CIROP: variants seen among roughly 807,000 people sequenced by gnomAD.
CIROP encodes the protein ciliated left-right organizer metallopeptidase, also known as leishmanolysin homolog.
the CIROP span, chr14:23,102,289 G>C: frequency 2.8e-6 from 2 of 702,658 alleles, no homozygotes; most frequent in Middle Eastern, 4.6e-4. Flanking sequence ...GCAGATGGCT[G>C]GTTGTTAGCT....
At chr14:23,104,215 G>C in the CIROP span, 2 of 618,630 alleles carry the variant, frequency 3.2e-6, no homozygotes, top group South Asian at 3.7e-5. Flanking sequence ...ATTTTTTCAA[G>C]ATTTCAGTGT....
At chr14:23,104,236 A>G in the CIROP span, 9 of 652,500 alleles carry the variant, frequency 1.4e-5, no homozygotes, top group African/African-American at 1.3e-4. Context: ...TGTTGACTCA[A>G]TCTCACCTTT....
the CIROP span, chr14:23,103,618 C>A: frequency 1.5e-6 from 1 of 680,396 alleles, no homozygotes; most frequent in East Asian, 2.7e-5. Context: ...TAACCCTCCT[C>A]ATGAGATTTA....
the CIROP span, chr14:23,102,230 G>A: frequency 1.4e-6 from 1 of 703,068 alleles, no homozygotes; most frequent in South Asian, 1.5e-5. Flanking sequence ...GAACCCTGGA[G>A]TAGTCTGGCC....
At chr14:23,099,489 C>T in the CIROP span, 1 of 413,030 alleles carries the variant, frequency 2.4e-6, no homozygotes, top group Non-Finnish European at 4.4e-6. Context: ...TAACCAGCAA[C>T]CTAGGAACAT....
the CIROP span, chr14:23,102,459 A>G: frequency 2.8e-6 from 2 of 702,652 alleles, no homozygotes; most frequent in Non-Finnish European, 5.2e-6. Flanking sequence ...TTGCCTTGTC[A>G]CTAGTTGCCT....
the CIROP span, chr14:23,101,585 A>G: frequency 1.4e-6 from 1 of 697,316 alleles, no homozygotes. Context: ...GGTCAGAAGT[A>G]GAATAGTGTT....
the CIROP span, chr14:23,103,788 AG>A: frequency 1.4e-6 from 1 of 702,990 alleles, no homozygotes; most frequent in Non-Finnish European, 2.6e-6. Context: ...TCCGGCCACA[AG>A]GCATAACCGC....
the CIROP span, chr14:23,103,057 G>A: frequency 1.9e-6 from 1 of 537,312 alleles, no homozygotes; most frequent in Non-Finnish European, 3.3e-6. Flanking sequence ...GAGGGCTGTG[G>A]ATGGGCCAGG....
chr14:23,099,504 G>T, the CIROP span: 1 of 411,798 alleles, frequency 2.4e-6, no homozygotes, highest in South Asian at 1.3e-4. Context: ...GAACATAGAA[G>T]GTAATATTTG....
At chr14:23,102,841 T>A in the CIROP span, 3 of 635,886 alleles carry the variant, frequency 4.7e-6, no homozygotes, top group African/African-American at 1.8e-5. Context: ...CCTCTGTGGG[T>A]TCTTTGACTT....
chr14:23,099,773 C>T, the CIROP span: 1 of 241,672 alleles, frequency 4.1e-6, no homozygotes, highest in African/African-American at 2.2e-5. Flanking sequence ...AGCCCCGCCT[C>T]ATCCAAGCAT....
the CIROP span, chr14:23,103,830 TG>T: frequency 5.8e-3 from 4,051 of 700,730 alleles, 28 homozygotes; most frequent in South Asian, 0.018. Context: ...TGGCAGGGAG[TG>T]AAATGTTGCA....
chr14:23,100,643 A>G, the CIROP span: 2 of 399,290 alleles, frequency 5.0e-6, no homozygotes, highest in Non-Finnish European at 8.8e-6. Context: ...CACAGTAAAC[A>G]CCAAGCTAGT....
the CIROP span, chr14:23,102,889 C>T: frequency 2.3e-5 from 14 of 609,650 alleles, no homozygotes; most frequent in Non-Finnish European, 3.8e-5. Flanking sequence ...TACCCTGCAA[C>T]CTGTTTGCTT....
chr14:23,100,097 A>G, the CIROP span: 1 of 159,460 alleles, frequency 6.3e-6, no homozygotes, highest in African/African-American at 2.4e-5. Context: ...TCTATCAAAA[A>G]TACAAAAATT....
the CIROP span, chr14:23,101,861 C>T: frequency 1.4e-6 from 1 of 702,760 alleles, no homozygotes; most frequent in African/African-American, 1.7e-5. Flanking sequence ...CAGAAGAAGT[C>T]TGAGGAGCCA....
At chr14:23,100,356 G>A in the CIROP span, 4 of 410,782 alleles carry the variant, frequency 9.7e-6, no homozygotes, top group East Asian at 7.1e-5. Flanking sequence ...AGGTAGTGAC[G>A]GGACTGGATG....
the CIROP span, chr14:23,104,608 C>T: frequency 1.4e-6 from 1 of 701,778 alleles, no homozygotes; most frequent in East Asian, 2.7e-5. Flanking sequence ...CCTGCTAGAA[C>T]AGCCTGGATT....
Sources: allele counts gnomAD v4.1 joint callset, GRCh38; gene constraint gnomAD v4.1.1; transcripts MANE v1.5; gene names NCBI Gene and HGNC (gene_info 2026-07-23, HGNC 2026-07-21).